The following PLCB1 variants were observed in gnomAD, a reference collection of about 807,000 sequenced individuals.
PLCB1 encodes 1-phosphatidylinositol 4,5-bisphosphate phosphodiesterase beta-1.
PLCB1 carries 46 observed loss-of-function variants against 161.8 expected under a neutral mutation model. That is an observed-to-expected ratio of 0.28 (90% CI 0.22 to 0.36). The LOEUF is 0.36. Ranked by LOEUF, PLCB1 falls within the 10% of genes least tolerant of loss-of-function variation. PLCB1 has a pLI of 1.00. For missense variants in PLCB1, 1,016 were observed against 1,472.5 expected, an observed-to-expected ratio of 0.69 and a Z score of 5.07; for synonymous variants, 517 against 503.7, an observed-to-expected ratio of 1.03 and a Z score of -0.35.
chr20:8,406,014 CT>C (rs61003140), intron 3 of PLCB1, among the ~76,000 whole-genome samples: 2,715 of 145,708 alleles, frequency 0.019, 85 homozygotes, highest in African/African-American at 0.063. Flanking sequence ...TTTTTTCTTC[CT>C]TTTTTTTTTT....
Position 8,547,070 on chromosome 20 carries a change from A to G in PLCB1, c.247-81224A>G, listed in dbSNP as rs559551045. 9.8e-5 allele frequency among the ~76,000 whole-genome samples: 15 copies of G among 152,300 alleles called. No individual in the cohort carries two copies. In the East Asian group the frequency reaches 2.7e-3, roughly 27 times the overall value. ...AAAAACAAATGCTTACATTTCTAGA[A>G]TAATAACAGGAATTCTTCTCTGAAG... On this transcript the variant is annotated intron_variant, in intron 3 of 31. Transcript: ENST00000338037.
intron 2 of PLCB1, among the ~76,000 whole-genome samples, chr20:8,349,495 G>A (rs1986110576): frequency 6.6e-6 from 1 of 152,198 alleles, no homozygotes; most frequent in Non-Finnish European, 1.5e-5. Context: ...TCTATGAAGA[G>A]TCCTTACAGT....
chr20:8,179,677 G>A (rs146390128), intron 2 of PLCB1, among the ~76,000 whole-genome samples: 98 of 152,110 alleles, frequency 6.4e-4, no homozygotes, highest in African/African-American at 2.3e-3. Flanking sequence ...TTCCAGTACT[G>A]TGTCGAATAG....
intron 2 of PLCB1, among the ~76,000 whole-genome samples, chr20:8,292,820 T>TAAG (rs1983447242): frequency 6.6e-6 from 1 of 152,210 alleles, no homozygotes; most frequent in South Asian, 2.1e-4. Flanking sequence ...ATGTTACATT[T>TAAG]CTTATAACAT....
intron 31 of PLCB1, among the ~76,000 whole-genome samples, chr20:8,790,584 G>T (rs554184840): frequency 6.6e-6 from 1 of 152,338 alleles, no homozygotes; most frequent in African/African-American, 2.4e-5. Context: ...CAAACCTTCA[G>T]TTTGGGTACT....
intron 2 of PLCB1, among the ~76,000 whole-genome samples, chr20:8,179,745 G>A (rs1362464144): frequency 1.3e-5 from 2 of 151,062 alleles, no homozygotes; most frequent in South Asian, 2.1e-4. Flanking sequence ...AGGGGAATGC[G>A]TCCAGCTTTT....
At chr20:8,440,352 A>G (rs1445397638) in intron 3 of PLCB1, among the ~76,000 whole-genome samples, 1 of 152,176 alleles carries the variant, frequency 6.6e-6, no homozygotes, top group Non-Finnish European at 1.5e-5. Flanking sequence ...TATTTATTTT[A>G]TTTGGACTTT....
At chr20:8,843,807 G>C (rs1986594132) in intron 31 of PLCB1, among the ~76,000 whole-genome samples, 1 of 152,114 alleles carries the variant, frequency 6.6e-6, no homozygotes, top group Non-Finnish European at 1.5e-5. Context: ...CCAAAACTCT[G>C]ATCTTAAGTT....
chr20:8,767,813 G>A lies in PLCB1; in HGVS notation c.2930+2455G>A, dbSNP rs148120354. Among the ~76,000 whole-genome samples, 405 of 152,294 alleles carry A rather than the reference G, an allele frequency of 2.7e-3. 7 individuals are homozygous for A. Among genetic ancestry groups the A allele is most frequent in the East Asian group, 0.01 (53 of 5,188 alleles). The stretch of plus-strand genomic sequence containing the variant: ...GTCATATCAGTTTCCTAGGATTGCT[G>A]TAAAAAGTACAGCAAACTGGATGGC... On this transcript the variant is annotated intron_variant, in intron 26 of 31. Transcript: ENST00000338037.
intron 3 of PLCB1, among the ~76,000 whole-genome samples, chr20:8,614,391 G>A (rs1987991629): frequency 6.6e-6 from 1 of 151,672 alleles, no homozygotes; most frequent in African/African-American, 2.4e-5. Context: ...TTGAAGCATT[G>A]TTTATAATAA....
chr20:8,486,481 ATTTTTTTT>A (rs71183092), intron 3 of PLCB1, among the ~76,000 whole-genome samples: 5 of 85,810 alleles, frequency 5.8e-5, no homozygotes, highest in South Asian at 4.2e-4. Context: ...ATTCCAAAAT[ATTTTTTTT>A]TTTTTTTTTT....
intron 3 of PLCB1, among the ~76,000 whole-genome samples, chr20:8,393,575 G>A (rs1450324886): frequency 6.6e-5 from 10 of 152,094 alleles, no homozygotes; most frequent in Admixed American, 6.6e-4. Flanking sequence ...AGGATTTCTT[G>A]AGTCCAGAGT....
At chr20:8,823,569 C>T (rs572359367) in intron 31 of PLCB1, among the ~76,000 whole-genome samples, 1 of 152,198 alleles carries the variant, frequency 6.6e-6, no homozygotes, top group Admixed American at 6.5e-5. Flanking sequence ...TTCGTGTACA[C>T]TTTACCCAGT....
At chr20:8,316,628 A>T (rs368984974) in intron 2 of PLCB1, among the ~76,000 whole-genome samples, 1 of 152,278 alleles carries the variant, frequency 6.6e-6, no homozygotes, top group East Asian at 1.9e-4. Flanking sequence ...TCCCAGAACT[A>T]TTCTCTAATA....
chr20:8,268,507 G>A (rs1373783282), intron 2 of PLCB1, among the ~76,000 whole-genome samples: 2 of 152,124 alleles, frequency 1.3e-5, no homozygotes, highest in Non-Finnish European at 2.9e-5. Flanking sequence ...GGATCAAATG[G>A]TATTTCTAGT....
chr20:8,856,042 A>G (rs185982803), intron 31 of PLCB1, among the ~76,000 whole-genome samples: 1 of 152,278 alleles, frequency 6.6e-6, no homozygotes, highest in East Asian at 1.9e-4. Context: ...CACAAAAACT[A>G]CAATACTGGT....
At chr20:8,736,554 G>A (rs185074462) in intron 19 of PLCB1, among the ~76,000 whole-genome samples, 13 of 152,238 alleles carry the variant, frequency 8.5e-5, no homozygotes, top group South Asian at 4.1e-4. Context: ...CTGAAACTGA[G>A]CAATTTATAA....
At chr20:8,689,500 T>C (rs1345628871) in intron 10 of PLCB1, among the ~76,000 whole-genome samples, 1 of 152,178 alleles carries the variant, frequency 6.6e-6, no homozygotes, top group Non-Finnish European at 1.5e-5. Flanking sequence ...TGGCTTTTAA[T>C]TCATTAAGGT....
intron 3 of PLCB1, among the ~76,000 whole-genome samples, chr20:8,383,675 T>C (rs936215020): frequency 6.6e-6 from 1 of 152,222 alleles, no homozygotes. Flanking sequence ...TGGTTTTCCT[T>C]TCCATATTTA....
Sources: gnomAD v4.1 joint callset for allele counts (sites outside exome capture counted in the v4.1 genomes callset) on GRCh38, gnomAD v4.1.1 for gene constraint, MANE v1.5 for transcripts, NCBI Gene and HGNC (gene_info 2026-07-23, HGNC 2026-07-21) for gene names.